Variants in FAM184B observed in about 807,000 individuals in gnomAD.
The protein encoded by FAM184B is protein FAM184B.
FAM184B carries 111 observed loss-of-function variants against 135.9 expected under a neutral mutation model. That is an observed-to-expected ratio of 0.82 (90% CI 0.70 to 0.96). The LOEUF is 0.96. Among genes scored for constraint, FAM184B ranks in the 40% least tolerant of loss-of-function variants. The pLI, the probability that FAM184B is intolerant of heterozygous loss-of-function variation, is 0.00. For synonymous variants in FAM184B, 552 were observed against 524.8 expected, an observed-to-expected ratio of 1.05 and a Z score of -0.71; for missense variants, 1,375 against 1,323.9, an observed-to-expected ratio of 1.04 and a Z score of -0.60.
chr4:17,728,252 A>G (rs1041506133), intron 1 of FAM184B, among the ~76,000 whole-genome samples: 2 of 152,130 alleles, frequency 1.3e-5, no homozygotes, highest in African/African-American at 4.8e-5. Context: ...ATATCCATCC[A>G]CAAGCATACC....
At chr4:17,732,177 T>G (rs1465707809) in intron 1 of FAM184B, among the ~76,000 whole-genome samples, 1 of 152,144 alleles carries the variant, frequency 6.6e-6, no homozygotes, top group Non-Finnish European at 1.5e-5. Flanking sequence ...CTGGGACACA[T>G]TTAAAGCAGT....
chr4:17,780,541 G>A (rs1020168918), intron 1 of FAM184B, among the ~76,000 whole-genome samples: 1 of 152,078 alleles, frequency 6.6e-6, no homozygotes, highest in African/African-American at 2.4e-5. Context: ...TTCAATCAGA[G>A]CCCCCTGCAC....
intron 12 of FAM184B, among the ~76,000 whole-genome samples, chr4:17,642,681 T>C (rs1345162954): frequency 6.6e-6 from 1 of 152,218 alleles, no homozygotes; most frequent in African/African-American, 2.4e-5. Flanking sequence ...GGGGTGACAC[T>C]GAAGAGAATA....
In FAM184B at chr4:17,629,687, T is replaced by C. The variant is rs1271315854; in HGVS notation, c.*2845A>G. ...TCCCGAATTGGATAATTTCTCTTCATCTTCACTGTCACCTCTACGCCATCA... is the reference window on the plus strand; with the variant it reads ...TCCCGAATTGGATAATTTCTCTTCACCTTCACTGTCACCTCTACGCCATCA... On this transcript the variant is annotated 3_prime_UTR_variant, in exon 18 of 18. Transcript: ENST00000265018. The C allele has an allele frequency of 6.6e-6, 1 of 152,240 alleles. No individual in the cohort carries two copies. The highest frequency in any genetic ancestry group is 2.4e-5 in the African/African-American group (1 of 41,462). 9.4% of individuals were successfully genotyped at this position (152,240 alleles called of 1,614,324 possible).
intron 7 of FAM184B, among the ~76,000 whole-genome samples, chr4:17,686,638 G>A (rs1400941929): frequency 6.6e-6 from 1 of 152,196 alleles, no homozygotes; most frequent in African/African-American, 2.4e-5. Flanking sequence ...TGCCTTACAG[G>A]GTTGTTGGAA....
intron 7 of FAM184B, among the ~76,000 whole-genome samples, chr4:17,667,462 A>T (rs1560172199): frequency 6.6e-6 from 1 of 152,200 alleles, no homozygotes; most frequent in East Asian, 1.9e-4. Context: ...CATTGCCTCT[A>T]AATGTAGCAG....
chr4:17,739,260 C>A (rs1481666483), intron 1 of FAM184B, among the ~76,000 whole-genome samples: 1 of 152,144 alleles, frequency 6.6e-6, no homozygotes, highest in African/African-American at 2.4e-5. Flanking sequence ...CCCTCCTCAG[C>A]CACCATGGCG....
At chr4:17,663,909 C>T (rs1378165124) in intron 8 of FAM184B, among the ~76,000 whole-genome samples, 2 of 151,260 alleles carry the variant, frequency 1.3e-5, no homozygotes, top group African/African-American at 4.9e-5. Flanking sequence ...TCCTTCTACA[C>T]ACTTTTCTCT....
At chr4:17,742,168 A>ATATATATTTTTT (rs1459958150) in intron 1 of FAM184B, among the ~76,000 whole-genome samples, 11 of 109,290 alleles carry the variant, frequency 1.0e-4, no homozygotes, top group African/African-American at 5.3e-4. Context: ...ATATATATAT[A>ATATATATTTTTT]TTTTTTTTTT....
At chr4:17,729,691 T>A (rs1233682379) in intron 1 of FAM184B, among the ~76,000 whole-genome samples, 1 of 152,252 alleles carries the variant, frequency 6.6e-6, no homozygotes, top group African/African-American at 2.4e-5. Flanking sequence ...CCAACAGACC[T>A]GCAGCTGACG....
chr4:17,697,102 G>A (rs12503517), intron 5 of FAM184B, among the ~76,000 whole-genome samples: 93,402 of 152,030 alleles, frequency 0.61, 29,235 homozygotes, highest in East Asian at 0.93. Context: ...GGAAATCATC[G>A]CACAGTCCAT....
intron 2 of FAM184B, among the ~76,000 whole-genome samples, 178 bp downstream of exon 2, chr4:17,708,714 C>CTGTGTGTGTGTG (rs71167327): frequency 1.8e-5 from 1 of 57,080 alleles, no homozygotes; most frequent in African/African-American, 7.1e-5. Flanking sequence ...TATATAGTGT[C>CTGTGTGTGTGTG]TGTGTGTGTG....
rs938610210 is a variant in FAM184B at position 17,674,799 on chromosome 4, A to G, written c.1597-10140T>C. On this transcript the variant is annotated intron_variant, in intron 7 of 17. Coordinates refer to ENST00000265018, the MANE Select transcript of FAM184B (RefSeq NM_015688.2). Reference sequence around the variant, plus strand: ...TCAACTGAAGAGACCACTTTCTTTGATCATTTCTAAGAAGCAACTCCTCAT... The same window carrying G: ...TCAACTGAAGAGACCACTTTCTTTGGTCATTTCTAAGAAGCAACTCCTCAT... Among the ~76,000 whole-genome samples the G allele has an allele frequency of 7.9e-5, 12 of 152,280 alleles. No homozygotes were observed. The South Asian group carries it at 1.7e-3, about 21-fold the overall frequency.
rs552157867 is a variant in FAM184B, at chr4:17,740,717, C to G, written c.142-31073G>C. Among the ~76,000 whole-genome samples, 3 of 152,320 alleles carry G rather than the reference C, an allele frequency of 2.0e-5. No homozygotes were observed. The South Asian group carries it at 6.2e-4, about 32-fold the overall frequency. ...ATGATTGATTGGTTTTGGGATTATA[C>G]TTATCTAATATTTATAAAAGCTAAC... On this transcript the variant is annotated intron_variant, in intron 1 of 17. Coordinates refer to ENST00000265018, the MANE Select transcript of FAM184B (RefSeq NM_015688.2).
chr4:17,661,562 AAAC>A (rs1649009666), intron 8 of FAM184B, among the ~76,000 whole-genome samples: 1 of 152,312 alleles, frequency 6.6e-6, no homozygotes, highest in South Asian at 2.1e-4. Flanking sequence ...TCAAACAAAC[AAAC>A]AAATAAAACT....
chr4:17,708,709 A>ATATG (rs3066655), intron 2 of FAM184B, among the ~76,000 whole-genome samples, 183 bp downstream of exon 2: 7 of 38,858 alleles, frequency 1.8e-4, no homozygotes, highest in African/African-American at 7.0e-4. Flanking sequence ...ATATATATAT[A>ATATG]GTGTCTGTGT....
intron 13 of FAM184B, among the ~76,000 whole-genome samples, chr4:17,641,367 C>T (rs937395240): frequency 4.0e-5 from 6 of 151,752 alleles, no homozygotes; most frequent in African/African-American, 1.5e-4. Context: ...TATTCCACTA[C>T]ACCGTCTCCG....
chr4:17,682,925 T>C (rs530160716), intron 7 of FAM184B, among the ~76,000 whole-genome samples: 1 of 152,272 alleles, frequency 6.6e-6, no homozygotes, highest in Non-Finnish European at 1.5e-5. Flanking sequence ...ACTGGGGAAG[T>C]TGTCATTTAA....
chr4:17,664,668 AAAAAAG>A lies in FAM184B; in HGVS notation c.1597-15_1597-10del. On this transcript the variant is annotated splice_polypyrimidine_tract_variant and intron_variant, in intron 7 of 17. Coordinates refer to ENST00000265018, the MANE Select transcript of FAM184B (RefSeq NM_015688.2). ...AGCTTCAAGCATGGATCCTAAGGCC[AAAAAAG>A]AAAAAGAAAAAAAAAAAAAAGGCAA... The A allele has an allele frequency of 3.3e-6, 5 of 1,523,890 alleles. No individual in the cohort carries two copies. The highest frequency in any genetic ancestry group is 4.4e-6 in the Non-Finnish European group (5 of 1,137,574). The allele number at this position is 1,523,890 out of a possible 1,614,324, so 94.4% of individuals were successfully genotyped here.
Sources: allele counts gnomAD v4.1 joint callset (sites outside exome capture counted in the v4.1 genomes callset), GRCh38; gene constraint gnomAD v4.1.1; transcripts MANE v1.5; gene names NCBI Gene and HGNC (gene_info 2026-07-23, HGNC 2026-07-21).